The following HEXIM2 variants were observed in gnomAD, a reference collection of about 807,000 sequenced individuals.
HEXIM2 encodes HEXIM P-TEFb complex subunit 2, also known as protein HEXIM2.
For synonymous variants in HEXIM2, 159 were observed against 162.7 expected, an observed-to-expected ratio of 0.98 and a Z score of 0.17; for missense variants, 413 against 390.8, an observed-to-expected ratio of 1.06 and a Z score of -0.48.
intron 3 of HEXIM2, 54 bp from the exon 4 acceptor site, chr17:45,168,961 C>A: frequency 1.3e-6 from 2 of 1,502,928 alleles, no homozygotes; most frequent in South Asian, 1.3e-5. Flanking sequence ...GGAAAGGTTC[C>A]ACCTCCAAGG....
intron 3 of HEXIM2, among the ~76,000 whole-genome samples, chr17:45,168,117 C>G (rs1399719316): frequency 6.7e-6 from 1 of 149,252 alleles, no homozygotes; most frequent in Non-Finnish European, 1.5e-5. Context: ...CTCCTGACCT[C>G]AGGTGATCCG....
In HEXIM2 at chr17:45,169,046, C is replaced by A; in HGVS notation, c.98C>A (p.Pro33His). 6.2e-7 allele frequency: 1 copy of A among 1,613,484 alleles called. No homozygotes were observed. The highest frequency in any genetic ancestry group is 8.5e-7 in the Non-Finnish European group (1 of 1,179,662). Residue 33 changes from proline to histidine, a missense_variant, in exon 4 of 4, where the codon CCC becomes CAC. By Grantham distance (77) the Pro-to-His change is moderately conservative. Coordinates refer to ENST00000589230, the MANE Select transcript of HEXIM2 (RefSeq NM_001303441.2). ...TSGAPGSPQT[P>H]PERHDSGGSL... The stretch of plus-strand genomic sequence containing the variant: ...GGTGCCCCGGGGAGCCCCCAAACAC[C>A]CCCTGAGCGTCATGACTCTGGTGGT...
intron 1 of HEXIM2, among the ~76,000 whole-genome samples, 189 bp from the exon 2 acceptor site, chr17:45,162,299 A>G (rs748093393): frequency 6.6e-6 from 1 of 152,152 alleles, no homozygotes; most frequent in Non-Finnish European, 1.5e-5. Flanking sequence ...GCAGGGCTGC[A>G]TCAAGATTGG....
chr17:45,169,322 C>T lies in HEXIM2; in HGVS notation c.374C>T (p.Ser125Phe), dbSNP rs2042957753. The change falls in exon 4 of 4, where the codon TCC (serine) becomes TTC (phenylalanine). Residue 125 changes from serine to phenylalanine, a missense_variant. Physicochemically the swap from Ser to Phe is radical, Grantham distance 155. Transcript: ENST00000589230. ...GATGAGAGGCAGAGCCAGAGGGCCT[C>T]CCGGGTCCGCGAAGAGATGTTCGCC... ...QRDERQSQRA[S>F]RVREEMFAKG... 3.1e-6 allele frequency: 5 copies of T among 1,613,846 alleles called. No homozygotes were observed. Among genetic ancestry groups the T allele is most frequent in the Non-Finnish European group, 4.2e-6 (5 of 1,180,034 alleles).
At position 45,170,022 on chromosome 17, in the gene HEXIM2, T is replaced by G; in HGVS notation, c.*213T>G. 1 of 441,872 alleles carries G rather than the reference T, an allele frequency of 2.3e-6. No individual in the cohort carries two copies. Among genetic ancestry groups the G allele is most frequent in the East Asian group, 3.4e-5 (1 of 29,278 alleles). The allele number at this position is 441,872 out of a possible 1,614,324, so 27.4% of individuals were successfully genotyped here. A position where few individuals can be genotyped will look rare whatever the true frequency, so the allele number is the denominator to read the frequency against. ...CCCTTTACAGAGAAATTAAATGGCCTTGGTGGGACCAAATGGGAGTATCTA... is the reference window on the plus strand; with the variant it reads ...CCCTTTACAGAGAAATTAAATGGCCGTGGTGGGACCAAATGGGAGTATCTA... On this transcript the variant is annotated 3_prime_UTR_variant, in exon 4 of 4. Transcript: ENST00000589230.
Position 45,162,785 on chromosome 17 carries a change from G to C in HEXIM2, c.-9G>C. ...TTCCAGGCGTCTGCTGAAAGATTTG[G>C]AACAGAAGATGATGGCCACTCCGAA... is the stretch of plus-strand genomic sequence containing the variant. On this transcript the variant is annotated 5_prime_UTR_variant, in exon 3 of 4. Coordinates refer to ENST00000589230, the MANE Select transcript of HEXIM2 (RefSeq NM_001303441.2). 1 of 1,613,938 alleles carries C rather than the reference G, an allele frequency of 6.2e-7. No homozygotes were observed. The highest frequency in any genetic ancestry group is 1.1e-5 in the South Asian group (1 of 91,060).
Position 45,169,467 on chromosome 17 carries a change from T to C in HEXIM2, c.519T>C (p.Ser173=). The C allele has an allele frequency of 6.2e-7, 1 of 1,607,916 alleles. No homozygotes were observed. Among genetic ancestry groups the C allele is most frequent in the Non-Finnish European group, 8.5e-7 (1 of 1,178,226 alleles). Residue 173 remains serine, a synonymous_variant, in exon 4 of 4, where the codon AGT becomes AGC. Coordinates refer to ENST00000589230, the MANE Select transcript of HEXIM2 (RefSeq NM_001303441.2). The part of the protein sequence containing the change: ...GISHPGSSGE[S]EAGDSDGRGR... Reference sequence around the variant, plus strand: ...CCCACCCAGGTTCCAGTGGGGAGAGTGAGGCCGGGGACAGTGATGGGCGGG... The same window carrying C: ...CCCACCCAGGTTCCAGTGGGGAGAGCGAGGCCGGGGACAGTGATGGGCGGG...
upstream of HEXIM2, chr17:45,160,979 C>G: frequency 7.8e-7 from 1 of 1,286,708 alleles, no homozygotes. Flanking sequence ...GCTCTCGGAG[C>G]CTCCAGCTGA....
In HEXIM2 at chr17:45,162,756, C is replaced by T. The variant is rs771447889; in HGVS notation, c.-38C>T. 3 of 1,613,658 alleles carry T rather than the reference C, an allele frequency of 1.9e-6. No individual in the cohort carries two copies. In the Admixed American group the frequency reaches 5.0e-5, roughly 27 times the overall value. ...CTGTTGTTGTTCAAAGCAGGTGTCA[C>T]TAGTTCCAGGCGTCTGCTGAAAGAT... On this transcript the variant is annotated 5_prime_UTR_variant, in exon 3 of 4. Transcript: ENST00000589230.
rs1288424128 is a variant in HEXIM2, at chr17:45,169,449, A to C, written c.501A>C (p.Pro167=). 1 of 1,613,748 alleles carries C rather than the reference A, an allele frequency of 6.2e-7. No homozygotes were observed. The highest frequency in any genetic ancestry group is 8.5e-7 in the Non-Finnish European group (1 of 1,179,968). The change falls in exon 4 of 4, where the codon CCA becomes CCC. Residue 167 remains proline, a synonymous_variant. Transcript: ENST00000589230. Reference sequence around the variant, plus strand: ...ATGTGCCCCATGGGATCTCCCACCCAGGTTCCAGTGGGGAGAGTGAGGCCG... The same window carrying C: ...ATGTGCCCCATGGGATCTCCCACCCCGGTTCCAGTGGGGAGAGTGAGGCCG... The part of the protein sequence containing the change: ...NLDVPHGISH[P]GSSGESEAGD...
intron 3 of HEXIM2, chr17:45,168,812 C>T (rs1424947457): frequency 1.3e-5 from 8 of 613,820 alleles, no homozygotes; most frequent in Admixed American, 2.8e-5. Context: ...CCTGCTCTCA[C>T]CATGAGTTTA....
Position 45,168,497 on chromosome 17 carries a change from T to G in HEXIM2, c.67-518T>G, listed in dbSNP as rs59597382. 5.3e-5 allele frequency among the ~76,000 whole-genome samples: 8 copies of G among 151,452 alleles called. No homozygotes were observed. In the East Asian group the frequency reaches 5.9e-4, roughly 11 times the overall value. On this transcript the variant is annotated intron_variant, in intron 3 of 3. Coordinates refer to ENST00000589230, the MANE Select transcript of HEXIM2 (RefSeq NM_001303441.2). ...TCAAAAAATGAAATAAAATAAGGTT[T>G]TTTTTTTTTTTGAATAACATGTTTA... is the stretch of plus-strand genomic sequence containing the variant.
chr17:45,165,506 T>G (rs1248971524), intron 3 of HEXIM2, among the ~76,000 whole-genome samples: 1 of 152,006 alleles, frequency 6.6e-6, no homozygotes, highest in African/African-American at 2.4e-5. Flanking sequence ...AACCACAAAC[T>G]TAGAGCAATT....
At chr17:45,160,959 TGG>T (rs1267858065), upstream of HEXIM2, 1 of 1,289,504 alleles carries the variant, frequency 7.8e-7, no homozygotes. Context: ...GTGGGTGCAC[TGG>T]GATCTCCGCT....
chr17:45,167,653 G>A (rs2042895121), intron 3 of HEXIM2, among the ~76,000 whole-genome samples: 1 of 152,112 alleles, frequency 6.6e-6, no homozygotes, highest in African/African-American at 2.4e-5. Context: ...TCGAGATGGA[G>A]TCTCACTCTG....
chr17:45,168,346 G>A (rs1365995088), intron 3 of HEXIM2, among the ~76,000 whole-genome samples: 1 of 151,568 alleles, frequency 6.6e-6, no homozygotes, highest in Non-Finnish European at 1.5e-5. Flanking sequence ...AGCCAGGCGT[G>A]GTGGCACGTG....
chr17:45,162,042 C>A lies in HEXIM2; in HGVS notation c.-193+11C>A. On this transcript the variant is annotated intron_variant, in intron 1 of 3. Transcript: ENST00000589230. ...CTTGACAGCGAATAGGTCAGTTCCA[C>A]CTTTGCAAAACCTCTTTCCATGACT... 1.0e-6 allele frequency: 1 copy of A among 983,224 alleles called. No homozygotes were observed. Among genetic ancestry groups the A allele is most frequent in the Non-Finnish European group, 1.2e-6 (1 of 827,768 alleles). 60.9% of individuals were successfully genotyped at this position (983,224 alleles called of 1,614,324 possible).
intron 3 of HEXIM2, among the ~76,000 whole-genome samples, chr17:45,167,333 A>ACAC (rs2042884863): frequency 1.3e-5 from 2 of 151,696 alleles, no homozygotes; most frequent in Non-Finnish European, 2.9e-5. Context: ...CACACACACA[A>ACAC]AAAAAAAGAT....
upstream of HEXIM2, among the ~76,000 whole-genome samples, chr17:45,160,406 T>C (rs939696767): frequency 2.0e-5 from 3 of 152,070 alleles, no homozygotes; most frequent in South Asian, 6.2e-4. Context: ...CTTTGTTTAG[T>C]CTGTGGGAAA....
Sources: gnomAD v4.1 joint callset for allele counts (sites outside exome capture counted in the v4.1 genomes callset) on GRCh38, gnomAD v4.1.1 for gene constraint, MANE v1.5 for transcripts, NCBI Gene and HGNC (gene_info 2026-07-23, HGNC 2026-07-21) for gene names.